The following CYYR1 variants were observed in gnomAD, a reference collection of about 807,000 sequenced individuals.
CYYR1 encodes cysteine and tyrosine-rich protein 1.
A neutral mutation model predicts 15.2 loss-of-function variants in CYYR1; 14 were observed. The ratio of observed to expected loss-of-function variants is 0.92; its 90% CI spans 0.61 to 1.44. CYYR1 has a LOEUF of 1.44. Ranked by LOEUF, CYYR1 falls within the 40% of genes most tolerant of loss-of-function variation. The probability of loss-of-function intolerance (pLI) is 0.00; values close to 1 mark genes in which losing one functional copy is unlikely to be tolerated. For missense variants in CYYR1, 228 were observed against 209.5 expected (o/e 1.09, Z -0.54); for synonymous variants, 80 against 77.4 (o/e 1.03, Z -0.18).
At chr21:26,563,201 T>C (rs993191997) in intron 2 of CYYR1, among the ~76,000 whole-genome samples, 4 of 151,930 alleles carry the variant, frequency 2.6e-5, no homozygotes, top group East Asian at 1.9e-4. Context: ...TTAAAATTCC[T>C]AGCAGAAGCA....
At chr21:26,496,324 AT>A (rs2065403426) in intron 2 of CYYR1, among the ~76,000 whole-genome samples, 1 of 152,246 alleles carries the variant, frequency 6.6e-6, no homozygotes, top group Non-Finnish European at 1.5e-5. Flanking sequence ...AAGGAAAGAA[AT>A]ATCAGCTAGA....
chr21:26,474,284 A>G (rs2065073048), intron 3 of CYYR1, among the ~76,000 whole-genome samples: 1 of 150,834 alleles, frequency 6.6e-6, no homozygotes, highest in Non-Finnish European at 1.5e-5. Flanking sequence ...CGAACTTCTG[A>G]CCTCATGATC....
intron 2 of CYYR1, among the ~76,000 whole-genome samples, chr21:26,489,445 T>C (rs1293228636): frequency 6.6e-6 from 1 of 152,128 alleles, no homozygotes; most frequent in African/African-American, 2.4e-5. Flanking sequence ...TTACATGATT[T>C]TGTGCCAATA....
intron 2 of CYYR1, among the ~76,000 whole-genome samples, chr21:26,500,618 C>T (rs115495461): frequency 0.016 from 2,442 of 152,206 alleles, 19 homozygotes; most frequent in Middle Eastern, 0.058. Context: ...AAGAACTTTC[C>T]TCTTTTTCTC....
chr21:26,533,530 T>C (rs1424899563), intron 2 of CYYR1, among the ~76,000 whole-genome samples: 2 of 152,142 alleles, frequency 1.3e-5, no homozygotes, highest in Non-Finnish European at 2.9e-5. Flanking sequence ...CTTTTTGTTC[T>C]AGCTGTGCTG....
intron 3 of CYYR1, among the ~76,000 whole-genome samples, chr21:26,474,610 C>G (rs1166876496): frequency 6.6e-6 from 1 of 151,802 alleles, no homozygotes; most frequent in Non-Finnish European, 1.5e-5. Context: ...GGCCCATGGT[C>G]TCTCTTTCCT....
At chr21:26,564,890 T>G in intron 2 of CYYR1, 4 of 969,674 alleles carry the variant, frequency 4.1e-6, no homozygotes, top group Non-Finnish European at 5.4e-6. Context: ...TTTTGTTACT[T>G]TAAATACTGC....
chr21:26,483,919 T>C (rs963536258), intron 2 of CYYR1, among the ~76,000 whole-genome samples: 14 of 152,108 alleles, frequency 9.2e-5, no homozygotes, highest in African/African-American at 3.4e-4. Context: ...TTTCTTGTCA[T>C]GAGTCTTGTG....
chr21:26,484,532 T>C (rs1377837625), intron 2 of CYYR1, among the ~76,000 whole-genome samples: 1 of 152,074 alleles, frequency 6.6e-6, no homozygotes, highest in African/African-American at 2.4e-5. Flanking sequence ...AATAAATAAA[T>C]CTTTTCAAGA....
chr21:26,521,140 C>T (rs2065799590), intron 2 of CYYR1, among the ~76,000 whole-genome samples: 1 of 152,144 alleles, frequency 6.6e-6, no homozygotes, highest in African/African-American at 2.4e-5. Context: ...TACATGTTTA[C>T]CTGTTTATCT....
intron 2 of CYYR1, among the ~76,000 whole-genome samples, chr21:26,488,240 ACTTC>A (rs71336135): frequency 0.016 from 2,267 of 139,378 alleles, 17 homozygotes; most frequent in Middle Eastern, 0.04. Flanking sequence ...ATCTTCCCCT[ACTTC>A]CTTCCTTCCT....
At chr21:26,500,441 C>T (rs2065465312) in intron 2 of CYYR1, among the ~76,000 whole-genome samples, 3 of 152,104 alleles carry the variant, frequency 2.0e-5, no homozygotes, top group East Asian at 1.9e-4. Context: ...CTTTGTGGAG[C>T]GGATGATGGA....
chr21:26,537,362 A>G (rs573305162), intron 2 of CYYR1, among the ~76,000 whole-genome samples: 2 of 152,278 alleles, frequency 1.3e-5, no homozygotes, highest in East Asian at 3.9e-4. Flanking sequence ...GAACACATAA[A>G]GGGATGATGG....
chr21:26,572,827 C>G, intron 1 of CYYR1, 41 bp downstream of exon 1: 1 of 1,609,030 alleles, frequency 6.2e-7, no homozygotes, highest in Non-Finnish European at 8.5e-7. Flanking sequence ...CCAAGGGCAG[C>G]CCCGAGCCTC....
intron 2 of CYYR1, among the ~76,000 whole-genome samples, chr21:26,482,946 C>T (rs755588201): frequency 2.8e-4 from 42 of 152,080 alleles, no homozygotes; most frequent in Non-Finnish European, 5.4e-4. Flanking sequence ...CGGAGACTCA[C>T]GTCCTTCAGT....
chr21:26,540,748 C>A (rs747447636), intron 2 of CYYR1, among the ~76,000 whole-genome samples: 3 of 151,948 alleles, frequency 2.0e-5, no homozygotes, highest in Non-Finnish European at 2.9e-5. Context: ...AAAAAAATGT[C>A]CAGGGTATAA....
intron 2 of CYYR1, among the ~76,000 whole-genome samples, chr21:26,496,781 C>T (rs1454235619): frequency 6.6e-6 from 1 of 152,086 alleles, no homozygotes; most frequent in Non-Finnish European, 1.5e-5. Context: ...TGATATTTAT[C>T]CAATACTTAT....
intron 3 of CYYR1, among the ~76,000 whole-genome samples, chr21:26,472,204 C>T (rs2065043824): frequency 6.6e-6 from 1 of 152,290 alleles, no homozygotes; most frequent in Admixed American, 6.5e-5. Context: ...TTTCATTCTG[C>T]TGCATATTCT....
At chr21:26,502,692 A>G (rs541530139) in intron 2 of CYYR1, among the ~76,000 whole-genome samples, 2 of 152,114 alleles carry the variant, frequency 1.3e-5, no homozygotes, top group Non-Finnish European at 2.9e-5. Context: ...TGTCCTCATA[A>G]GTCTCATTAT....
Sources: allele counts gnomAD v4.1 joint callset (sites outside exome capture counted in the v4.1 genomes callset), GRCh38; gene constraint gnomAD v4.1.1; transcripts MANE v1.5; gene names NCBI Gene and HGNC (gene_info 2026-07-23, HGNC 2026-07-21).